The following FAT4 variants were observed in gnomAD, a reference collection of about 807,000 sequenced individuals.
FAT4 encodes the protein protocadherin Fat 4.
FAT4 carries 84 observed loss-of-function variants against 303.9 expected under a neutral mutation model. That is an observed-to-expected ratio of 0.28 (90% CI 0.23 to 0.33). FAT4 has a LOEUF of 0.33. Among genes scored for constraint, FAT4 ranks in the 10% least tolerant of loss-of-function variants. The pLI is 1.00. For missense variants in FAT4, 6,005 were observed against 6,146.8 expected, an observed-to-expected ratio of 0.98 and a Z score of 0.77; for synonymous variants, 2,307 against 2,298.8, an observed-to-expected ratio of 1.00 and a Z score of -0.10.
Position 125,318,099 on chromosome 4 carries a change from T to A in FAT4, c.1688T>A (p.Val563Glu). Reference protein sequence around the residue: ...SARDQGVHPKVSYAQLVVTLL... With the variant: ...SARDQGVHPKESYAQLVVTLL... Reference sequence around the variant, plus strand: ...CGGGACCAGGGAGTTCACCCCAAGGTGTCCTATGCCCAGCTTGTAGTAACT... The same window carrying A: ...CGGGACCAGGGAGTTCACCCCAAGGAGTCCTATGCCCAGCTTGTAGTAACT... Residue 563 changes from valine (V) to glutamate (E), a missense_variant, in exon 2 of 18, where the codon GTG becomes GAG. Coordinates refer to ENST00000394329, the MANE Select transcript of FAT4 (RefSeq NM_001291303.3). The A allele has an allele frequency of 6.2e-7, 1 of 1,614,108 alleles. No homozygotes were observed. The highest frequency in any genetic ancestry group is 1.7e-5 in the Admixed American group (1 of 60,016).
At chr4:125,427,202 TTATGA>T (rs1282600875) in intron 7 of FAT4, among the ~76,000 whole-genome samples, 1 of 151,674 alleles carries the variant, frequency 6.6e-6, no homozygotes, top group East Asian at 1.9e-4. Flanking sequence ...TTTTTAAAAA[TTATGA>T]TAAGATGTAC....
At chr4:125,322,025 G>A (rs1209921347) in intron 2 of FAT4, among the ~76,000 whole-genome samples, 1 of 152,064 alleles carries the variant, frequency 6.6e-6, no homozygotes, top group Non-Finnish European at 1.5e-5. Context: ...TTCAGGAAGA[G>A]TGGCCATGGA....
At chr4:125,392,471 G>C (rs1447631138) in intron 2 of FAT4, among the ~76,000 whole-genome samples, 4 of 152,132 alleles carry the variant, frequency 2.6e-5, no homozygotes, top group African/African-American at 9.7e-5. Context: ...TTAAATGTAA[G>C]CCATTCTGAA....
chr4:125,394,117 T>C (rs1024818080), intron 2 of FAT4: 8 of 612,006 alleles, frequency 1.3e-5, no homozygotes, highest in Non-Finnish European at 6.0e-6. Flanking sequence ...TTGGTAGGCA[T>C]GCAGAAAACA....
At chr4:125,342,480 A>G (rs146273999) in intron 2 of FAT4, among the ~76,000 whole-genome samples, 155 of 152,100 alleles carry the variant, frequency 1.0e-3, no homozygotes, top group Middle Eastern at 3.6e-3. Context: ...TTTTATTTAC[A>G]TATTTTTACA....
At chr4:125,344,315 C>T (rs993430765) in intron 2 of FAT4, among the ~76,000 whole-genome samples, 5 of 152,062 alleles carry the variant, frequency 3.3e-5, no homozygotes, top group Non-Finnish European at 7.4e-5. Flanking sequence ...TGAATTATTC[C>T]AATTTCCTAG....
In FAT4 at chr4:125,422,507, T is replaced by A. The variant is rs535171870; in HGVS notation, c.7018+5885T>A. ...AGATCTAATGGTTTTATAAGGGGAT[T>A]TTCCCCCTTTGCTCAGCACTTCTCT... On this transcript the variant is annotated intron_variant, in intron 7 of 17. Coordinates refer to ENST00000394329, the MANE Select transcript of FAT4 (RefSeq NM_001291303.3). Among the ~76,000 whole-genome samples the A allele has an allele frequency of 2.0e-5, 3 of 152,234 alleles. No homozygotes were observed. The South Asian group carries it at 6.2e-4, about 32-fold the overall frequency.
chr4:125,384,173 C>G (rs1030020163), intron 2 of FAT4, among the ~76,000 whole-genome samples: 1 of 152,098 alleles, frequency 6.6e-6, no homozygotes, highest in African/African-American at 2.4e-5. Context: ...TTTCATTTCT[C>G]TATGGTAGAA....
At chr4:125,447,878 T>G (rs1233606508) in intron 9 of FAT4, among the ~76,000 whole-genome samples, 1 of 152,126 alleles carries the variant, frequency 6.6e-6, no homozygotes, top group African/African-American at 2.4e-5. Context: ...TGTATGTATA[T>G]ACACACACAT....
intron 2 of FAT4, among the ~76,000 whole-genome samples, chr4:125,338,943 A>G (rs935639414): frequency 3.3e-5 from 5 of 152,248 alleles, no homozygotes; most frequent in Admixed American, 6.5e-5. Flanking sequence ...GGCCTCATCC[A>G]AGGGATACTC....
chr4:125,327,057 T>C (rs1358745324), intron 2 of FAT4, among the ~76,000 whole-genome samples: 1 of 152,130 alleles, frequency 6.6e-6, no homozygotes, highest in African/African-American at 2.4e-5. Context: ...TTATGTATTG[T>C]GTAAAATAAA....
Position 125,468,587 on chromosome 4 carries a change from A to G in FAT4, c.11981A>G (p.Asp3994Gly). 1 of 1,613,992 alleles carries G rather than the reference A, an allele frequency of 6.2e-7. No homozygotes were observed. Among genetic ancestry groups the G allele is most frequent in the Non-Finnish European group, 8.5e-7 (1 of 1,179,960 alleles). The change falls in exon 12 of 18, where the codon GAC (aspartate) becomes GGC (glycine). Residue 3994 changes from aspartate (D) to glycine (G), a missense_variant. Asp to Gly is a moderately conservative substitution (Grantham distance 94). Coordinates refer to ENST00000394329, the MANE Select transcript of FAT4 (RefSeq NM_001291303.3). ...TCATACATGGAATTTCCAAGCTTGGACCCCAATAACAACTATATTTATGTC... is the reference window on the plus strand; with the variant it reads ...TCATACATGGAATTTCCAAGCTTGGGCCCCAATAACAACTATATTTATGTC... ...ELSYMEFPSLDPNNNYIYVKF... is the reference protein window; with the variant it reads ...ELSYMEFPSLGPNNNYIYVKF...
intron 2 of FAT4, among the ~76,000 whole-genome samples, chr4:125,334,204 C>T (rs1004230602): frequency 3.9e-5 from 6 of 152,058 alleles, no homozygotes; most frequent in Non-Finnish European, 7.4e-5. Context: ...TCTCCATCAG[C>T]ATCCTCCCAA....
intron 7 of FAT4, 69 bp downstream of exon 7, chr4:125,416,691 AC>A: frequency 6.6e-7 from 1 of 1,520,022 alleles, no homozygotes; most frequent in South Asian, 1.2e-5. Context: ...CATGCCTGTA[AC>A]CCCAGCACTT....
At chr4:125,360,659 T>A (rs920989383) in intron 2 of FAT4, among the ~76,000 whole-genome samples, 3 of 152,070 alleles carry the variant, frequency 2.0e-5, no homozygotes, top group African/African-American at 7.2e-5. Flanking sequence ...AATAAACCTA[T>A]GCTATTTGTA....
chr4:125,353,670 A>G (rs1175957021), intron 2 of FAT4, among the ~76,000 whole-genome samples: 3 of 151,664 alleles, frequency 2.0e-5, no homozygotes, highest in Non-Finnish European at 3.0e-5. Context: ...TTAAGTAGAA[A>G]CTATCAGTGC....
chr4:125,474,267 T>G (rs1261520730), intron 12 of FAT4, among the ~76,000 whole-genome samples: 1 of 152,072 alleles, frequency 6.6e-6, no homozygotes, highest in Non-Finnish European at 1.5e-5. Context: ...TGTGGTACTT[T>G]CTAGTTTATG....
At chr4:125,341,221 A>G (rs1322582324) in intron 2 of FAT4, among the ~76,000 whole-genome samples, 1 of 152,188 alleles carries the variant, frequency 6.6e-6, no homozygotes, top group African/African-American at 2.4e-5. Context: ...GTGTTTCAAG[A>G]ACAAGGAATG....
Position 125,491,406 on chromosome 4 carries a change from G to T in FAT4, c.14590G>T (p.Val4864Leu), listed in dbSNP as rs529296427. Residue 4864 changes from valine (V) to leucine (L), a missense_variant, in exon 18 of 18, where the codon GTA becomes TTA. By Grantham distance (32) the Val-to-Leu change is conservative. Transcript: ENST00000394329. ...GGAATATGACAGGGAGAAGCCAATGGTATATACTTCCAGAATGCCCAAATT... is the reference window on the plus strand; with the variant it reads ...GGAATATGACAGGGAGAAGCCAATGTTATATACTTCCAGAATGCCCAAATT... ...EMEYDREKPM[V>L]YTSRMPKLSQ... The T allele has an allele frequency of 1.1e-5, 18 of 1,614,126 alleles. No homozygotes were observed. The highest frequency in any genetic ancestry group is 1.6e-4 in the Middle Eastern group (1 of 6,062).
Sources: gnomAD v4.1 joint callset for allele counts (sites outside exome capture counted in the v4.1 genomes callset) on GRCh38, gnomAD v4.1.1 for gene constraint, MANE v1.5 for transcripts, NCBI Gene and HGNC (gene_info 2026-07-23, HGNC 2026-07-21) for gene names.